Variants in ATP6V0E1 observed in about 807,000 individuals in gnomAD.
ATP6V0E1 encodes V-type proton ATPase subunit e 1.
A neutral mutation model predicts 11.6 loss-of-function variants in ATP6V0E1; 4 were observed. The ratio of observed to expected loss-of-function variants is 0.35; its 90% CI spans 0.17 to 0.79. ATP6V0E1 has a LOEUF of 0.79. Among genes scored for constraint, ATP6V0E1 ranks in the 30% least tolerant of loss-of-function variants. ATP6V0E1 has a pLI of 0.54. For missense variants in ATP6V0E1, 105 were observed against 100.0 expected, an observed-to-expected ratio of 1.05 and a Z score of -0.21; for synonymous variants, 36 against 34.8, an observed-to-expected ratio of 1.04 and a Z score of -0.13.
chr5:173,028,133 A>G (rs1462192958), intron 3 of ATP6V0E1, among the ~76,000 whole-genome samples: 6 of 152,240 alleles, frequency 3.9e-5, no homozygotes, highest in Non-Finnish European at 7.3e-5. Context: ...TTTTAAAAGC[A>G]AAATGCCAGG....
rs1581639811 is a variant in ATP6V0E1, at chr5:173,034,712, G to A, written c.*350G>A. 1.3e-5 allele frequency: 6 copies of A among 446,366 alleles called. No individual in the cohort carries two copies. In the East Asian group the frequency reaches 2.2e-4, roughly 16 times the overall value. The allele number at this position is 446,366 out of a possible 1,614,324, so 27.7% of individuals were successfully genotyped here. On this transcript the variant is annotated 3_prime_UTR_variant, in exon 4 of 4. Transcript: ENST00000519374. ...AGATGGCTCCTGCCTTCTCACGTGG[G>A]AATCAGTGAAGTGTTTAGAAACTGC...
At chr5:173,010,565 A>G (rs1424247553) in intron 2 of ATP6V0E1, among the ~76,000 whole-genome samples, 3 of 152,204 alleles carry the variant, frequency 2.0e-5, no homozygotes, top group Non-Finnish European at 4.4e-5. Flanking sequence ...ACCGAATCCC[A>G]TGTTTTCTAG....
intron 3 of ATP6V0E1, among the ~76,000 whole-genome samples, chr5:173,033,521 G>T (rs1014409161): frequency 3.9e-5 from 6 of 151,996 alleles, no homozygotes; most frequent in Non-Finnish European, 7.4e-5. Flanking sequence ...CCACTCCTTG[G>T]CCTGATGTTG....
intron 3 of ATP6V0E1, among the ~76,000 whole-genome samples, chr5:173,024,041 A>G (rs901977956): frequency 6.7e-6 from 1 of 150,054 alleles, no homozygotes; most frequent in Non-Finnish European, 1.5e-5. Flanking sequence ...CTAACAATAC[A>G]AAAAAAATTA....
chr5:173,016,976 T>TCA lies in ATP6V0E1; in HGVS notation c.153-3259_153-3258dup, dbSNP rs200880916. On this transcript the variant is annotated intron_variant, in intron 2 of 3. Coordinates refer to ENST00000519374, the MANE Select transcript of ATP6V0E1 (RefSeq NM_003945.4). ...CTTTCCTCAGGTGTCATGTTTCCTG[T>TCA]CACAAAATCACCTTTTGTTTCTGTG... Among the ~76,000 whole-genome samples, 1,047 of 152,318 alleles carry TCA rather than the reference T, an allele frequency of 6.9e-3. 64 individuals carry two copies. Among genetic ancestry groups the TCA allele is most frequent in the Admixed American group, 0.064 (974 of 15,292 alleles).
intron 1 of ATP6V0E1, among the ~76,000 whole-genome samples, chr5:172,988,950 A>G (rs563955028): frequency 1.3e-4 from 20 of 152,228 alleles, no homozygotes; most frequent in African/African-American, 4.6e-4. Context: ...CGGCCTCCCA[A>G]TGTGTTGGGA....
At chr5:172,994,908 T>C in intron 2 of ATP6V0E1, 86 bp downstream of exon 2, 3 of 1,054,382 alleles carry the variant, frequency 2.8e-6, no homozygotes, top group Admixed American at 2.5e-5. Flanking sequence ...TCATCCCTCA[T>C]GTAATATCTA....
chr5:172,989,530 A>T (rs1017371920), intron 1 of ATP6V0E1, among the ~76,000 whole-genome samples: 2 of 144,594 alleles, frequency 1.4e-5, no homozygotes, highest in African/African-American at 5.1e-5. Context: ...CTTACTGAAG[A>T]TTTTTTTTTT....
intron 2 of ATP6V0E1, among the ~76,000 whole-genome samples, chr5:173,017,580 C>T (rs1209015950): frequency 2.0e-5 from 3 of 148,588 alleles, no homozygotes; most frequent in South Asian, 2.1e-4. Context: ...CAGTGGCTCA[C>T]GCCTGTAATC....
Position 173,012,780 on chromosome 5 carries a change from A to C in ATP6V0E1, c.153-7458A>C, listed in dbSNP as rs539739435. Among the ~76,000 whole-genome samples, 5 of 152,212 alleles carry C rather than the reference A, an allele frequency of 3.3e-5. No individual in the cohort carries two copies. In the South Asian group the frequency reaches 1.0e-3, roughly 32 times the overall value. Reference sequence around the variant, plus strand: ...AAAAAAAAAAAAAAGAAAAGATTTAAACATAAGACCTGAAATTATAAAACA... The same window carrying C: ...AAAAAAAAAAAAAAGAAAAGATTTACACATAAGACCTGAAATTATAAAACA... On this transcript the variant is annotated intron_variant, in intron 2 of 3. Transcript: ENST00000519374.
chr5:173,000,040 T>C (rs556372412), intron 2 of ATP6V0E1, among the ~76,000 whole-genome samples: 1 of 152,316 alleles, frequency 6.6e-6, no homozygotes, highest in East Asian at 1.9e-4. Flanking sequence ...ACTGGTACAT[T>C]TTCTTGAAAA....
intron 3 of ATP6V0E1, chr5:173,020,803 T>C (rs1297459990): frequency 5.8e-6 from 3 of 519,592 alleles, no homozygotes; most frequent in Non-Finnish European, 1.2e-5. Flanking sequence ...ATGTCTTGTC[T>C]TCATCCGGTT....
chr5:173,020,134 G>A, intron 2 of ATP6V0E1, 104 bp from the exon 3 acceptor site: 1 of 861,634 alleles, frequency 1.2e-6, no homozygotes, highest in Non-Finnish European at 1.9e-6. Context: ...TGTGAATGCA[G>A]TAGATTTAAG....
At chr5:173,021,350 T>G (rs181520742) in intron 3 of ATP6V0E1, among the ~76,000 whole-genome samples, 151 of 151,294 alleles carry the variant, frequency 1.0e-3, no homozygotes, top group Non-Finnish European at 1.6e-3. Context: ...TCCTCGTGGC[T>G]GGGGAGGCCT....
intron 2 of ATP6V0E1, among the ~76,000 whole-genome samples, chr5:173,015,467 G>T (rs532022320): frequency 6.6e-6 from 1 of 152,266 alleles, no homozygotes; most frequent in African/African-American, 2.4e-5. Context: ...GGATTAGAGG[G>T]TTGGGACTTT....
chr5:173,006,582 C>T (rs919102473), intron 2 of ATP6V0E1, among the ~76,000 whole-genome samples: 9 of 152,156 alleles, frequency 5.9e-5, no homozygotes, highest in African/African-American at 2.2e-4. Flanking sequence ...ACACTGCACT[C>T]CAGCCTGGGT....
chr5:173,028,230 A>G (rs1406204775), intron 3 of ATP6V0E1, among the ~76,000 whole-genome samples: 2 of 152,210 alleles, frequency 1.3e-5, no homozygotes, highest in Non-Finnish European at 2.9e-5. Context: ...TGGTATCGTA[A>G]CCTAAGACTT....
At chr5:172,991,132 A>G (rs1755972625) in intron 1 of ATP6V0E1, among the ~76,000 whole-genome samples, 1 of 152,036 alleles carries the variant, frequency 6.6e-6, no homozygotes, top group South Asian at 2.1e-4. Flanking sequence ...CCCTTTTTTC[A>G]TGAACAATTT....
chr5:173,022,077 C>T (rs888805085), intron 3 of ATP6V0E1, among the ~76,000 whole-genome samples: 2 of 152,142 alleles, frequency 1.3e-5, no homozygotes, highest in African/African-American at 4.8e-5. Flanking sequence ...TTCTATTTGT[C>T]CTGAGGGTCA....
Sources: allele counts gnomAD v4.1 joint callset (sites outside exome capture counted in the v4.1 genomes callset), GRCh38; gene constraint gnomAD v4.1.1; transcripts MANE v1.5; gene names NCBI Gene and HGNC (gene_info 2026-07-23, HGNC 2026-07-21).